The following LRRC31 variants were observed in gnomAD, a reference collection of about 807,000 sequenced individuals.
The protein encoded by LRRC31 is leucine-rich repeat-containing protein 31.
Under a neutral mutation model 46.7 loss-of-function variants are expected in LRRC31, and 35 were observed. That is an observed-to-expected ratio of 0.75 (90% CI 0.57 to 0.99). LRRC31 has a LOEUF of 0.99. LRRC31 is among the 50% of genes least tolerant of loss of function. The pLI is 0.00. For synonymous variants in LRRC31, 236 were observed against 235.1 expected (o/e 1.00, Z -0.03); for missense variants, 613 against 626.1 (o/e 0.98, Z 0.22).
Position 169,840,182 on chromosome 3 carries a change from C to A in LRRC31, c.1459G>T (p.Asp487Tyr), listed in dbSNP as rs1780404230. 6.2e-7 allele frequency: 1 copy of A among 1,614,034 alleles called. No individual in the cohort carries two copies. Among genetic ancestry groups the A allele is most frequent in the Non-Finnish European group, 8.5e-7 (1 of 1,180,046 alleles). ...AAATTTGATGGTCGAAGGCTAATAT[C>A]CAGCTCGATTAGCTCTTTGAGGAAC... The part of the protein sequence containing the change: ...VRFLKELIEL[D>Y]ISLRPSNFRD... Residue 487 changes from aspartate (D) to tyrosine (Y), a missense_variant, in exon 9 of 9, where the codon GAT (aspartate) becomes TAT (tyrosine). Asp to Tyr is a radical substitution (Grantham distance 160, BLOSUM62 -3). Transcript: ENST00000316428.
intron 7 of LRRC31, among the ~76,000 whole-genome samples, chr3:169,849,379 T>C (rs1345171221): frequency 6.6e-6 from 1 of 152,226 alleles, no homozygotes; most frequent in Non-Finnish European, 1.5e-5. Flanking sequence ...GTGTGATACC[T>C]AGTTGATCAT....
Position 169,840,269 on chromosome 3 carries a change from C to T in LRRC31, c.1372G>A (p.Asp458Asn). The change falls in exon 9 of 9, where the codon GAC becomes AAC. Residue 458 changes from aspartate (D) to asparagine (N), a missense_variant. By Grantham distance (23) the Asp-to-Asn change is conservative. Coordinates refer to ENST00000316428, the MANE Select transcript of LRRC31 (RefSeq NM_024727.4). ...CAGATGCTGTCATTGTAGCTCAGGT[C>T]CAGCTTTTGCAGTTTGGCCAGATGA... ...TGHLAKLQKL[D>N]LSYNDSICDA... is the part of the protein sequence containing the mutation. 2 of 1,614,094 alleles carry T rather than the reference C, an allele frequency of 1.2e-6. No homozygotes were observed.
At position 169,854,980 on chromosome 3, in the gene LRRC31, T is replaced by C. The variant is rs768228006; in HGVS notation, c.824A>G (p.Asp275Gly). 1 of 1,606,330 alleles carries C rather than the reference T, an allele frequency of 6.2e-7. No homozygotes were observed. The highest frequency in any genetic ancestry group is 8.5e-7 in the Non-Finnish European group (1 of 1,178,362). Residue 275 changes from aspartate to glycine, a missense_variant and splice_region_variant, in exon 6 of 9, where the codon GAT (aspartate) becomes GGT (glycine). By Grantham distance (94) the Asp-to-Gly change is moderately conservative. Coordinates refer to ENST00000316428, the MANE Select transcript of LRRC31 (RefSeq NM_024727.4). ...CTCACCCAAATACCTAAAAGCAGCA[T>C]CTACAAAGAAAGTCAGAATCCCATT... ...GLSQKSVKIL[D>G]AAFRYLGELR...
At chr3:169,856,899 G>T in intron 3 of LRRC31, 27 bp from the exon 4 acceptor site, 1 of 1,585,796 alleles carries the variant, frequency 6.3e-7, no homozygotes, top group African/African-American at 1.4e-5. Flanking sequence ...CGAAAATTCT[G>T]TTGGTCACTA....
At chr3:169,848,783 T>C (rs964572483) in intron 7 of LRRC31, among the ~76,000 whole-genome samples, 4 of 152,314 alleles carry the variant, frequency 2.6e-5, no homozygotes, top group Admixed American at 1.3e-4. Context: ...TGGGGAAATA[T>C]TGGAAACTTT....
chr3:169,861,602 A>G, intron 2 of LRRC31, 68 bp downstream of exon 2: 1 of 1,529,220 alleles, frequency 6.5e-7, no homozygotes, highest in Non-Finnish European at 8.9e-7. Flanking sequence ...GTAGCTGAGT[A>G]TGTTTTATCT....
chr3:169,863,043 C>T (rs754020997), intron 1 of LRRC31, among the ~76,000 whole-genome samples: 5 of 151,744 alleles, frequency 3.3e-5, no homozygotes, highest in Admixed American at 1.3e-4. Flanking sequence ...CCACCACGCC[C>T]GGCTAATTTT....
At chr3:169,861,537 A>G (rs925665599) in intron 2 of LRRC31, 133 bp downstream of exon 2, 8 of 845,966 alleles carry the variant, frequency 9.5e-6, no homozygotes, top group Non-Finnish European at 1.2e-5. Flanking sequence ...AAAAAAAGCG[A>G]TGCTGTTTCT....
intron 3 of LRRC31, among the ~76,000 whole-genome samples, chr3:169,859,356 C>A (rs1242032791): frequency 6.6e-6 from 1 of 151,500 alleles, no homozygotes; most frequent in Non-Finnish European, 1.5e-5. Context: ...TCTGGCCAAC[C>A]TGAGATGTGT....
In LRRC31 at chr3:169,860,799, C is replaced by T. The variant is rs146204721; in HGVS notation, c.320-71G>A. On this transcript the variant is annotated intron_variant, in intron 2 of 8. Transcript: ENST00000316428. The stretch of plus-strand genomic sequence containing the variant: ...GATTTGTAGTAAATAAAATGCAATG[C>T]TTACATACACAGGATATAGTTTTAC... 127 of 1,442,990 alleles carry T rather than the reference C, an allele frequency of 8.8e-5. No homozygotes were observed. The Middle Eastern group carries it at 1.4e-3, about 16-fold the overall frequency. The allele number at this position is 1,442,990 out of a possible 1,614,324, so 89.4% of individuals were successfully genotyped here.
chr3:169,848,745 C>A (rs1412099119), intron 7 of LRRC31, among the ~76,000 whole-genome samples: 1 of 152,184 alleles, frequency 6.6e-6, no homozygotes, highest in Non-Finnish European at 1.5e-5. Flanking sequence ...CGTGAACCAC[C>A]GCGCCCAGCC....
At chr3:169,841,014 G>A (rs1780431778) in intron 8 of LRRC31, among the ~76,000 whole-genome samples, 1 of 152,184 alleles carries the variant, frequency 6.6e-6, no homozygotes. Context: ...AGATCAGGTG[G>A]GTTGTATAGA....
chr3:169,858,223 C>T (rs1287916675), intron 3 of LRRC31, among the ~76,000 whole-genome samples: 1 of 152,080 alleles, frequency 6.6e-6, no homozygotes, highest in Non-Finnish European at 1.5e-5. Flanking sequence ...GAAGTCCTTC[C>T]AGAGAAGAAA....
intron 8 of LRRC31, among the ~76,000 whole-genome samples, chr3:169,847,216 G>A (rs994527510): frequency 3.2e-4 from 48 of 152,084 alleles, no homozygotes; most frequent in Admixed American, 2.2e-3. Context: ...AAGGAGTTTC[G>A]CCCCTGCTGC....
intron 1 of LRRC31, among the ~76,000 whole-genome samples, chr3:169,868,557 C>G (rs1191184064): frequency 6.6e-6 from 1 of 152,122 alleles, no homozygotes; most frequent in Non-Finnish European, 1.5e-5. Flanking sequence ...TACTACATAG[C>G]AAGCACTCAA....
intron 2 of LRRC31, 63 bp downstream of exon 2, chr3:169,861,607 T>A: frequency 1.9e-6 from 3 of 1,561,778 alleles, no homozygotes; most frequent in Non-Finnish European, 2.6e-6. Context: ...TGAGTATGTT[T>A]TATCTGCTTA....
At chr3:169,851,576 A>T (rs1780767279) in intron 7 of LRRC31, 43 bp downstream of exon 7, 1 of 1,563,536 alleles carries the variant, frequency 6.4e-7, no homozygotes. Context: ...TCTCCCTCGC[A>T]CATTATTGCA....
intron 3 of LRRC31, among the ~76,000 whole-genome samples, chr3:169,859,399 C>T (rs972693584): frequency 6.6e-5 from 10 of 152,002 alleles, no homozygotes; most frequent in East Asian, 1.9e-4. Flanking sequence ...AGGCATGGGC[C>T]GGGGGACGTC....
At chr3:169,853,766 A>T in intron 6 of LRRC31, 1 of 949,538 alleles carries the variant, frequency 1.1e-6, no homozygotes, top group Non-Finnish European at 1.3e-6. Context: ...AAAAAGATAG[A>T]TGTATTAGAC....
Sources: allele counts gnomAD v4.1 joint callset (sites outside exome capture counted in the v4.1 genomes callset), GRCh38; gene constraint gnomAD v4.1.1; transcripts MANE v1.5; gene names NCBI Gene and HGNC (gene_info 2026-07-23, HGNC 2026-07-21).